Variants in PACRG observed in about 807,000 individuals in gnomAD.
PACRG encodes parkin coregulated gene protein.
PACRG carries 29 observed loss-of-function variants against 29.7 expected under a neutral mutation model. That is an observed-to-expected ratio of 0.98 (90% CI 0.73 to 1.33). The LOEUF is 1.33. Among genes scored for constraint, PACRG ranks in the 40% most tolerant of loss-of-function variants. The pLI, the probability that PACRG is intolerant of heterozygous loss-of-function variation, is 0.00. For missense variants in PACRG, 279 were observed against 316.2 expected (o/e 0.88, Z 0.89); for synonymous variants, 116 against 118.7 (o/e 0.98, Z 0.15).
intron 1 of PACRG, among the ~76,000 whole-genome samples, chr6:162,793,441 C>G (rs1042244653): frequency 2.0e-5 from 3 of 152,214 alleles, no homozygotes; most frequent in South Asian, 2.1e-4. Flanking sequence ...GGAAACAGCT[C>G]CTTGATTTCT....
chr6:162,864,952 A>G (rs1792170359), intron 2 of PACRG, among the ~76,000 whole-genome samples: 1 of 152,234 alleles, frequency 6.6e-6, no homozygotes, highest in Non-Finnish European at 1.5e-5. Flanking sequence ...TTTTAACCAA[A>G]GAATCCAGTA....
intron 2 of PACRG, among the ~76,000 whole-genome samples, chr6:162,869,916 A>G (rs1792656351): frequency 6.6e-6 from 1 of 152,198 alleles, no homozygotes; most frequent in South Asian, 2.1e-4. Context: ...GCGATTATTT[A>G]ATGTCTGCTA....
chr6:163,161,658 G>T (rs1778561175), intron 4 of PACRG, among the ~76,000 whole-genome samples: 1 of 152,198 alleles, frequency 6.6e-6, no homozygotes, highest in African/African-American at 2.4e-5. Flanking sequence ...CATTTCGAAA[G>T]AGATCAACCC....
At chr6:162,890,177 G>A (rs1385738885) in intron 2 of PACRG, among the ~76,000 whole-genome samples, 1 of 152,198 alleles carries the variant, frequency 6.6e-6, no homozygotes, top group Non-Finnish European at 1.5e-5. Context: ...AGACTCAAGT[G>A]ATGAACCCTT....
At chr6:162,739,818 G>A (rs1395608477) in intron 1 of PACRG, among the ~76,000 whole-genome samples, 1 of 145,382 alleles carries the variant, frequency 6.9e-6, no homozygotes, top group Non-Finnish European at 1.5e-5. Context: ...CTCCAGCCTG[G>A]CAACAGAGTG....
chr6:162,943,714 C>T (rs2128122122), intron 2 of PACRG, among the ~76,000 whole-genome samples: 1 of 152,304 alleles, frequency 6.6e-6, no homozygotes. Flanking sequence ...TTCTCCTGCC[C>T]TGTGCACCAT....
At chr6:163,098,444 C>T (rs1284930278) in intron 4 of PACRG, among the ~76,000 whole-genome samples, 9 of 152,196 alleles carry the variant, frequency 5.9e-5, no homozygotes, top group East Asian at 1.9e-4. Context: ...ACAGAGGGCT[C>T]GTCCCTCCGA....
intron 2 of PACRG, among the ~76,000 whole-genome samples, chr6:163,007,230 A>G (rs58649438): frequency 0.045 from 6,850 of 152,190 alleles, 392 homozygotes; most frequent in African/African-American, 0.13. Context: ...GTGCTGTATT[A>G]TAGCTTTTAC....
intron 4 of PACRG, among the ~76,000 whole-genome samples, chr6:163,129,677 G>A (rs879837448): frequency 1.4e-4 from 22 of 152,168 alleles, no homozygotes; most frequent in African/African-American, 4.1e-4. Context: ...ACAGGGCAGC[G>A]TGGCAGTGGT....
intron 2 of PACRG, among the ~76,000 whole-genome samples, chr6:162,924,404 G>T (rs1797279999): frequency 1.3e-5 from 2 of 151,924 alleles, no homozygotes; most frequent in Non-Finnish European, 1.5e-5. Context: ...AATTGCTCTG[G>T]CTAGGACTTC....
chr6:162,807,380 C>T (rs1786440825), intron 1 of PACRG, among the ~76,000 whole-genome samples: 2 of 152,190 alleles, frequency 1.3e-5, no homozygotes, highest in South Asian at 4.1e-4. Context: ...ATGCCTTCTT[C>T]ACTGAGCTTA....
At chr6:162,929,954 C>T (rs1797727166) in intron 2 of PACRG, among the ~76,000 whole-genome samples, 1 of 151,652 alleles carries the variant, frequency 6.6e-6, no homozygotes, top group African/African-American at 2.4e-5. Flanking sequence ...ATTTTTATGC[C>T]AGTACCATGC....
chr6:163,304,447 G>A (rs2128191123), intron 4 of PACRG, among the ~76,000 whole-genome samples: 1 of 152,266 alleles, frequency 6.6e-6, no homozygotes, highest in South Asian at 2.1e-4. Flanking sequence ...TGCCCACGAT[G>A]AGGTTTATAA....
intron 2 of PACRG, among the ~76,000 whole-genome samples, chr6:162,951,101 A>T (rs1799614459): frequency 6.6e-6 from 1 of 152,202 alleles, no homozygotes; most frequent in Admixed American, 6.5e-5. Flanking sequence ...TATTTGTTTC[A>T]TGAATGAAAG....
chr6:162,744,523 A>T (rs1414945430), intron 1 of PACRG, among the ~76,000 whole-genome samples: 1 of 152,184 alleles, frequency 6.6e-6, no homozygotes, highest in Non-Finnish European at 1.5e-5. Context: ...TGAGCACAGG[A>T]GACCAAGGCT....
intron 2 of PACRG, among the ~76,000 whole-genome samples, chr6:162,886,189 C>T (rs1369541463): frequency 6.6e-6 from 1 of 152,156 alleles, no homozygotes; most frequent in East Asian, 1.9e-4. Context: ...TCCCAAAATG[C>T]TGTGATTACA....
intron 3 of PACRG, among the ~76,000 whole-genome samples, chr6:163,066,941 AAT>A (rs1405264998): frequency 3.9e-5 from 6 of 152,244 alleles, no homozygotes; most frequent in Non-Finnish European, 5.9e-5. Context: ...ACAAAAATTT[AAT>A]AGTCATGGCC....
At chr6:162,810,624 T>G (rs1304150078) in intron 1 of PACRG, among the ~76,000 whole-genome samples, 2 of 152,146 alleles carry the variant, frequency 1.3e-5, no homozygotes, top group Non-Finnish European at 2.9e-5. Flanking sequence ...AAATAGAAAT[T>G]GTAGAACTGA....
At chr6:162,860,093 A>G (rs1050764443) in intron 2 of PACRG, among the ~76,000 whole-genome samples, 1 of 152,072 alleles carries the variant, frequency 6.6e-6, no homozygotes, top group Non-Finnish European at 1.5e-5. Flanking sequence ...GAGAAGGAAG[A>G]CACAAAAAAA....
Sources: allele counts gnomAD v4.1 joint callset (sites outside exome capture counted in the v4.1 genomes callset), GRCh38; gene constraint gnomAD v4.1.1; transcripts MANE v1.5; gene names NCBI Gene and HGNC (gene_info 2026-07-23, HGNC 2026-07-21).